PCDH11X: variants seen among roughly 807,000 people sequenced by gnomAD.
PCDH11X encodes the protein protocadherin-11 X-linked.
In PCDH11X, 18 loss-of-function variants were observed where a neutral mutation model predicts 53.3. That is an observed-to-expected ratio of 0.34 (90% confidence interval 0.23 to 0.50). The LOEUF (loss-of-function observed/expected upper bound fraction) is 0.50. Among genes scored for constraint, PCDH11X ranks in the 20% least tolerant of loss-of-function variants. The pLI is 0.98. For missense variants in PCDH11X, 570 were observed against 1,032.4 expected, an observed-to-expected ratio of 0.55 and a Z score of 6.14; for synonymous variants, 279 against 393.3, an observed-to-expected ratio of 0.71 and a Z score of 3.44.
At chrX:92,092,354 T>C (rs2064063559) in intron 6 of PCDH11X, among the ~76,000 whole-genome samples, 1 of 111,696 alleles carries the variant, frequency 9.0e-6, no homozygotes, top group Admixed American at 9.6e-5. Flanking sequence ...TGATGTGAAC[T>C]CTGAAAATTT....
intron 8 of PCDH11X, among the ~76,000 whole-genome samples, chrX:92,316,819 C>T (rs1166897648): frequency 1.8e-5 from 2 of 110,193 alleles, no homozygotes; most frequent in Non-Finnish European, 3.8e-5. Flanking sequence ...ACTTCTCGCC[C>T]TGCATCTGCT....
intron 1 of PCDH11X, among the ~76,000 whole-genome samples, chrX:91,796,844 T>C (rs1259874399): frequency 1.8e-5 from 2 of 111,571 alleles, no homozygotes; most frequent in Admixed American, 1.9e-4. Flanking sequence ...AATATAGAAA[T>C]TGAGACTTGC....
chrX:92,382,046 G>A (rs2070886997), intron 8 of PCDH11X, among the ~76,000 whole-genome samples: 1 of 111,080 alleles, frequency 9.0e-6, no homozygotes, highest in African/African-American at 3.3e-5. Context: ...AATATACTGA[G>A]TAATTACAAA....
intron 6 of PCDH11X, among the ~76,000 whole-genome samples, chrX:92,109,186 C>G (rs904718568): frequency 9.0e-6 from 1 of 110,970 alleles, no homozygotes. Flanking sequence ...GCCTGGCTAA[C>G]GTGGTGAAAC....
intron 6 of PCDH11X, among the ~76,000 whole-genome samples, chrX:92,186,590 T>C (rs1312202231): frequency 1.0e-5 from 1 of 96,512 alleles, no homozygotes; most frequent in Non-Finnish European, 2.0e-5. Context: ...ATTGCGCCAT[T>C]GCACTCCAGC....
At chrX:91,881,596 A>G (rs1274382211) in intron 6 of PCDH11X, among the ~76,000 whole-genome samples, 1 of 111,799 alleles carries the variant, frequency 8.9e-6, no homozygotes, top group Non-Finnish European at 1.9e-5. Context: ...CTACATTTGC[A>G]ATGTTCTTTA....
intron 10 of PCDH11X, among the ~76,000 whole-genome samples, chrX:92,489,472 G>A (rs34322637): frequency 1.8e-5 from 2 of 110,191 alleles, no homozygotes; most frequent in African/African-American, 3.3e-5. Context: ...TTATTTATCC[G>A]TTATCTCTTC....
intron 10 of PCDH11X, among the ~76,000 whole-genome samples, chrX:92,568,308 G>C (rs1424185367): frequency 9.1e-6 from 1 of 109,491 alleles, no homozygotes; most frequent in East Asian, 2.9e-4. Flanking sequence ...TGTAGTCCCA[G>C]CTACTCGGGA....
At chrX:92,045,981 A>G (rs2063282119) in intron 6 of PCDH11X, among the ~76,000 whole-genome samples, 1 of 109,344 alleles carries the variant, frequency 9.1e-6, no homozygotes, top group African/African-American at 3.3e-5. Context: ...TTATTTTGGC[A>G]GGGATTCCAG....
chrX:92,012,791 C>A (rs1267083518), intron 6 of PCDH11X, among the ~76,000 whole-genome samples: 1 of 110,832 alleles, frequency 9.0e-6, no homozygotes, highest in South Asian at 3.8e-4. Flanking sequence ...TGCAATAAAA[C>A]GAATATTCAA....
intron 6 of PCDH11X, among the ~76,000 whole-genome samples, chrX:92,147,810 C>CTTTCTTTTT (rs1556065506): frequency 3.4e-4 from 24 of 70,198 alleles, no homozygotes; most frequent in African/African-American, 1.3e-3. Flanking sequence ...TTTCTTCCTT[C>CTTTCTTTTT]CTTTCTTTCT....
intron 7 of PCDH11X, among the ~76,000 whole-genome samples, chrX:92,240,086 C>A (rs1256415155): frequency 8.9e-6 from 1 of 111,869 alleles, no homozygotes; most frequent in African/African-American, 3.2e-5. Context: ...AGTCCAAGCA[C>A]AGCATAACTG....
chrX:92,265,034 G>A (rs1015685203), intron 8 of PCDH11X, among the ~76,000 whole-genome samples: 1 of 109,028 alleles, frequency 9.2e-6, no homozygotes, highest in Non-Finnish European at 1.9e-5. Context: ...TCTTTATAAG[G>A]TCAAGAAGGG....
At chrX:92,367,895 A>G (rs926952975) in intron 8 of PCDH11X, among the ~76,000 whole-genome samples, 1 of 109,900 alleles carries the variant, frequency 9.1e-6, no homozygotes, top group African/African-American at 3.3e-5. Flanking sequence ...CTTTGTAGGT[A>G]ACCTACCTTT....
chrX:91,886,698 G>A (rs1051215473), intron 6 of PCDH11X, among the ~76,000 whole-genome samples: 8 of 108,926 alleles, frequency 7.3e-5, no homozygotes, highest in East Asian at 5.8e-4. Context: ...TTGGCCGGGC[G>A]CGGTGGCTCA....
chrX:92,618,846 C>T lies in PCDH11X; in HGVS notation c.3950C>T (p.Ser1317Leu), dbSNP rs1201676026. The T allele has an allele frequency of 8.3e-7, 1 of 1,211,793 alleles. No homozygotes were observed. The highest frequency in any genetic ancestry group is 2.2e-5 in the Admixed American group (1 of 46,048). ...GAAAGACTTCATCCCAGTGATGATT[C>T]AATTAAAGTCATTCCTTTGACAACC... ...MSERLHPSDD[S>L]IKVIPLTTFT... Residue 1317 changes from serine (S) to leucine (L), a missense_variant, in exon 11 of 11, where the codon TCA becomes TTA. Transcript: ENST00000682573.
Position 91,779,492 on chromosome X carries a change from A to ACACAGGCAG in PCDH11X, c.-560_-552dup, listed in dbSNP as rs1262674799. On this transcript the variant is annotated 5_prime_UTR_variant, in exon 1 of 11. Coordinates refer to ENST00000682573, the MANE Select transcript of PCDH11X (RefSeq NM_032968.5). Reference sequence around the variant, plus strand: ...GCGCAGAGTGGCAGTGCCAGCGGCGACACAGGCAGCACAGGCAGCCCGGGC... The same window carrying ACACAGGCAG: ...GCGCAGAGTGGCAGTGCCAGCGGCGACACAGGCAGCACAGGCAGCACAGGCAGCCCGGGC... 2 of 96,739 alleles carry ACACAGGCAG rather than the reference A, an allele frequency of 2.1e-5. No homozygotes were observed. The highest frequency in any genetic ancestry group is 7.6e-5 in the African/African-American group (2 of 26,381). The allele number at this position is 96,739 out of a possible 1,213,427, so 8.0% of individuals were successfully genotyped here.
At chrX:92,003,404 T>A (rs1297700206) in intron 6 of PCDH11X, among the ~76,000 whole-genome samples, 1 of 111,136 alleles carries the variant, frequency 9.0e-6, no homozygotes, top group African/African-American at 3.3e-5. Context: ...AGAATGAATT[T>A]GGCATTACTC....
chrX:92,509,434 A>G (rs2074124454), intron 10 of PCDH11X, among the ~76,000 whole-genome samples: 1 of 109,976 alleles, frequency 9.1e-6, no homozygotes, highest in Non-Finnish European at 1.9e-5. Context: ...AAAACATCAC[A>G]TAAAAAGTTT....
Sources: gnomAD v4.1 joint callset for allele counts (sites outside exome capture counted in the v4.1 genomes callset) on GRCh38, gnomAD v4.1.1 for gene constraint, MANE v1.5 for transcripts, NCBI Gene and HGNC (gene_info 2026-07-23, HGNC 2026-07-21) for gene names.